Variants in ROBO2 observed in about 807,000 individuals in gnomAD.
ROBO2 encodes roundabout guidance receptor 2.
A neutral mutation model predicts 160.8 loss-of-function variants in ROBO2; 53 were observed. The ratio of observed to expected loss-of-function variants is 0.33; its 90% CI spans 0.26 to 0.41. The LOEUF (loss-of-function observed/expected upper bound fraction) is 0.41. Ranked by LOEUF, ROBO2 falls within the 10% of genes least tolerant of loss-of-function variation. The probability of loss-of-function intolerance (pLI) is 1.00; values close to 1 mark genes in which losing one functional copy is unlikely to be tolerated. For synonymous variants in ROBO2, 664 were observed against 611.7 expected, an observed-to-expected ratio of 1.09 and a Z score of -1.26; for missense variants, 1,577 against 1,722.4, an observed-to-expected ratio of 0.92 and a Z score of 1.49.
At chr3:75,913,061 C>T (rs1484460220) in intron 1 of ROBO2, among the ~76,000 whole-genome samples, 3 of 152,170 alleles carry the variant, frequency 2.0e-5, no homozygotes, top group African/African-American at 7.2e-5. Context: ...AGTGTTGGTT[C>T]CTTCTGGAGG....
Position 77,429,245 on chromosome 3 carries a change from T to C in ROBO2, c.389-48169T>C, listed in dbSNP as rs115506685. ...CTCTGCATTACATTTTATTTCTCCATTTACTGATCCTGGTAATAGGCCAGG... is the reference window on the plus strand; with the variant it reads ...CTCTGCATTACATTTTATTTCTCCACTTACTGATCCTGGTAATAGGCCAGG... On this transcript the variant is annotated intron_variant, in intron 2 of 25. Transcript: ENST00000461745. 2.8e-3 allele frequency among the ~76,000 whole-genome samples: 428 copies of C among 152,306 alleles called. 1 individual carries two copies. The highest frequency in any genetic ancestry group is 9.1e-3 in the African/African-American group (380 of 41,574).
At chr3:76,937,043 C>G (rs1452339178) in intron 2 of ROBO2, among the ~76,000 whole-genome samples, 1 of 151,790 alleles carries the variant, frequency 6.6e-6, no homozygotes, top group Non-Finnish European at 1.5e-5. Flanking sequence ...CCCTCCTTAT[C>G]CTCAATCTAC....
At chr3:77,294,916 AC>A in intron 2 of ROBO2, among the ~76,000 whole-genome samples, 1 of 151,994 alleles carries the variant, frequency 6.6e-6, no homozygotes, top group African/African-American at 2.4e-5. Context: ...AGGCTAGATC[AC>A]CCCAGACATA....
intron 2 of ROBO2, among the ~76,000 whole-genome samples, chr3:76,859,193 G>A (rs986868509): frequency 6.6e-6 from 1 of 152,070 alleles, no homozygotes; most frequent in Non-Finnish European, 1.5e-5. Context: ...GAAAGTGACA[G>A]AGAATAATAA....
intron 2 of ROBO2, among the ~76,000 whole-genome samples, chr3:76,195,880 A>G (rs1257913902): frequency 6.6e-6 from 1 of 152,182 alleles, no homozygotes; most frequent in African/African-American, 2.4e-5. Flanking sequence ...GGTTTAAGGA[A>G]GTGCCACTTA....
chr3:76,660,069 A>C (rs1350204980), intron 2 of ROBO2, among the ~76,000 whole-genome samples: 1 of 152,140 alleles, frequency 6.6e-6, no homozygotes, highest in Admixed American at 6.5e-5. Context: ...CATTAATAAA[A>C]TGAAGACAGA....
intron 2 of ROBO2, among the ~76,000 whole-genome samples, chr3:76,761,815 T>G (rs2061324315): frequency 6.6e-6 from 1 of 151,722 alleles, no homozygotes; most frequent in Non-Finnish European, 1.5e-5. Flanking sequence ...TATTTAACTT[T>G]CTAAGGCTCC....
Position 76,466,085 on chromosome 3 carries a change from A to C in ROBO2, c.109+528483A>C, listed in dbSNP as rs780872149. 6.9e-4 allele frequency among the ~76,000 whole-genome samples: 105 copies of C among 151,730 alleles called. 3 individuals are homozygous for C. The highest frequency in any genetic ancestry group is 3.3e-4 in the Admixed American group (5 of 15,150). ...TATATACTTCATGTATAAAATGTAC[A>C]TAATTTTTTAAATTCTTGCAACAAA... On this transcript the variant is annotated intron_variant, in intron 2 of 26. Coordinates refer to the ROBO2 transcript ENST00000487694.
intron 2 of ROBO2, among the ~76,000 whole-genome samples, chr3:76,783,432 TTGTC>T (rs2062779882): frequency 6.6e-6 from 1 of 150,832 alleles, no homozygotes; most frequent in African/African-American, 2.4e-5. Flanking sequence ...CAGTGTTTGT[TTGTC>T]TGGGAATGTC....
intron 2 of ROBO2, among the ~76,000 whole-genome samples, chr3:76,124,816 A>C (rs149433639): frequency 0.013 from 1,924 of 152,254 alleles, 39 homozygotes; most frequent in African/African-American, 0.041. Flanking sequence ...AAAATTTACC[A>C]ATCCAAACAT....
intron 2 of ROBO2, among the ~76,000 whole-genome samples, chr3:77,459,320 A>G (rs572443241): frequency 1.0e-3 from 155 of 152,348 alleles, no homozygotes; most frequent in African/African-American, 3.6e-3. Flanking sequence ...CAATTAGACC[A>G]ATATAAGGAA....
At chr3:76,472,456 A>G (rs978163664) in intron 2 of ROBO2, among the ~76,000 whole-genome samples, 2 of 152,116 alleles carry the variant, frequency 1.3e-5, no homozygotes, top group African/African-American at 2.4e-5. Context: ...GCCGACTGCA[A>G]TCCTCATCCT....
At chr3:76,009,311 G>A (rs1032911890) in intron 2 of ROBO2, among the ~76,000 whole-genome samples, 69 of 152,132 alleles carry the variant, frequency 4.5e-4, no homozygotes, top group African/African-American at 1.6e-3. Context: ...CACCGTGTCA[G>A]CCAGGATGGT....
chr3:76,087,498 T>A (rs1168981386), intron 2 of ROBO2, among the ~76,000 whole-genome samples: 1 of 151,926 alleles, frequency 6.6e-6, no homozygotes, highest in Non-Finnish European at 1.5e-5. Flanking sequence ...TCAGTAGACC[T>A]GCCTTGCAAG....
chr3:76,149,297 T>C (rs1451919107), intron 2 of ROBO2, among the ~76,000 whole-genome samples: 1 of 152,108 alleles, frequency 6.6e-6, no homozygotes, highest in African/African-American at 2.4e-5. Context: ...TATCACTTCC[T>C]ACTTAAGCCC....
chr3:75,937,515 G>A (rs2107014905), exon 2 of ROBO2: 5 of 1,573,602 alleles, frequency 3.2e-6, no homozygotes, highest in Non-Finnish European at 4.3e-6. Flanking sequence ...ACATGAACGT[G>A]TCACTAGAAG....
At chr3:76,917,385 T>C (rs1272939741) in intron 2 of ROBO2, among the ~76,000 whole-genome samples, 1 of 152,094 alleles carries the variant, frequency 6.6e-6, no homozygotes, top group Non-Finnish European at 1.5e-5. Flanking sequence ...AACATGGACA[T>C]ACAAAAAATG....
intron 2 of ROBO2, among the ~76,000 whole-genome samples, chr3:76,862,099 GAAGGAAGGAAGA>G (rs2070844930): frequency 6.6e-6 from 1 of 152,020 alleles, no homozygotes; most frequent in African/African-American, 2.4e-5. Flanking sequence ...AGGAAAGAAA[GAAGGAAGGAAGA>G]AAGGAAGGAA....
chr3:76,666,420 T>C lies in ROBO2; in HGVS notation c.110-431594T>C, dbSNP rs546033257. ...GACACTTATTTCAAGTATAACTTGGTAAACATTATCAGCATGACATAGTTT... is the reference window on the plus strand; with the variant it reads ...GACACTTATTTCAAGTATAACTTGGCAAACATTATCAGCATGACATAGTTT... On this transcript the variant is annotated intron_variant, in intron 2 of 26. Transcript: ENST00000487694. Among the ~76,000 whole-genome samples, 27 of 152,246 alleles carry C rather than the reference T, an allele frequency of 1.8e-4. No homozygotes were observed. The South Asian group carries it at 5.6e-3, about 32-fold the overall frequency.
Sources: gnomAD v4.1 joint callset for allele counts (sites outside exome capture counted in the v4.1 genomes callset) on GRCh38, gnomAD v4.1.1 for gene constraint, MANE v1.5 for transcripts, NCBI Gene and HGNC (gene_info 2026-07-23, HGNC 2026-07-21) for gene names.